Variants in CLUL1 observed in about 807,000 individuals in gnomAD.
CLUL1 encodes clusterin like 1.
CLUL1 carries 43 observed loss-of-function variants against 49.4 expected under a neutral mutation model. The observed-to-expected ratio is 0.87, with a 90% confidence interval of 0.68 to 1.12. CLUL1 has a LOEUF of 1.12. Ranked by LOEUF, CLUL1 falls within the 50% of genes most tolerant of loss-of-function variation. CLUL1 has a pLI of 0.00. For missense variants in CLUL1, 486 were observed against 544.4 expected (o/e 0.89, Z 1.07); for synonymous variants, 192 against 184.9 (o/e 1.04, Z -0.31).
intron 2 of CLUL1, among the ~76,000 whole-genome samples, chr18:615,599 G>A (rs942603884): frequency 2.6e-5 from 4 of 152,150 alleles, no homozygotes; most frequent in African/African-American, 9.7e-5. Context: ...ACTCTGCTCT[G>A]CTCTTCCTGA....
At chr18:637,010 G>T (rs1359532989) in intron 7 of CLUL1, among the ~76,000 whole-genome samples, 3 of 145,220 alleles carry the variant, frequency 2.1e-5, no homozygotes, top group Admixed American at 1.4e-4. Flanking sequence ...TTTTTGAGAC[G>T]GAGTCTTGCT....
chr18:627,611 T>C, intron 6 of CLUL1, 82 bp downstream of exon 6: 1 of 943,708 alleles, frequency 1.1e-6, no homozygotes. Context: ...TAGACATTTC[T>C]GAGTCACATT....
intron 6 of CLUL1, among the ~76,000 whole-genome samples, chr18:628,543 G>C (rs111568670): frequency 1.3e-3 from 198 of 152,104 alleles, no homozygotes; most frequent in African/African-American, 4.6e-3. Flanking sequence ...CATTTCCTTT[G>C]TCACTGTATT....
intron 2 of CLUL1, among the ~76,000 whole-genome samples, chr18:614,347 GGAAA>G (rs1355987727): frequency 3.5e-4 from 53 of 149,896 alleles, no homozygotes; most frequent in African/African-American, 1.2e-3. Context: ...AAGGAAGGAA[GGAAA>G]GAAGGAAGGA....
chr18:645,176 C>A (rs565034), intron 9 of CLUL1, 79 bp downstream of exon 9: 1,138,901 of 1,139,124 alleles, frequency 1, 569,339 homozygotes, highest in Middle Eastern at 1. Context: ...AACTTGTTTC[C>A]AAATACCTGG....
intron 1 of CLUL1, among the ~76,000 whole-genome samples, chr18:600,823 A>G (rs186537583): frequency 4.6e-5 from 7 of 152,364 alleles, no homozygotes; most frequent in South Asian, 2.1e-4. Context: ...TGGCTTAATC[A>G]TCTTTGAATA....
At position 633,290 on chromosome 18, in the gene CLUL1, C is replaced by T. The variant is rs937873528; in HGVS notation, c.857-8C>T. ...GACACTAACGTGTAAATGTTATGTT[C>T]CCTGTAGCTCCTGACCACGGAGGCC... On this transcript the variant is annotated splice_polypyrimidine_tract_variant and splice_region_variant and intron_variant, in intron 6 of 9. Coordinates refer to ENST00000692774, the MANE Select transcript of CLUL1 (RefSeq NM_001393344.1). The T allele has an allele frequency of 6.2e-7, 1 of 1,606,680 alleles. No homozygotes were observed. Among genetic ancestry groups the T allele is most frequent in the Non-Finnish European group, 8.5e-7 (1 of 1,176,606 alleles).
chr18:599,132 A>G (rs1342032234), intron 1 of CLUL1, among the ~76,000 whole-genome samples: 2 of 152,242 alleles, frequency 1.3e-5, no homozygotes, highest in Non-Finnish European at 2.9e-5. Context: ...TTAATTCTCA[A>G]AATAAAATGA....
At chr18:639,136 G>T (rs937790941) in intron 7 of CLUL1, among the ~76,000 whole-genome samples, 1 of 146,878 alleles carries the variant, frequency 6.8e-6, no homozygotes, top group Non-Finnish European at 1.5e-5. Flanking sequence ...TTAAAAACAT[G>T]CTTCATACAG....
At chr18:640,693 C>G in intron 7 of CLUL1, among the ~76,000 whole-genome samples, 1 of 152,100 alleles carries the variant, frequency 6.6e-6, no homozygotes, top group South Asian at 2.1e-4. Flanking sequence ...CAAGGTTTTG[C>G]TATTATAAAC....
chr18:620,989 T>G (rs2144019370), intron 4 of CLUL1, among the ~76,000 whole-genome samples: 1 of 152,318 alleles, frequency 6.6e-6, no homozygotes, highest in East Asian at 1.9e-4. Context: ...TTAAATTTAT[T>G]TTTATTTTTT....
intron 2 of CLUL1, among the ~76,000 whole-genome samples, chr18:608,916 T>C (rs2073056458): frequency 6.6e-6 from 1 of 152,214 alleles, no homozygotes; most frequent in Admixed American, 6.5e-5. Flanking sequence ...AATCTAAATC[T>C]ATTTTCTTTA....
chr18:609,836 A>T (rs1174152214), intron 2 of CLUL1, among the ~76,000 whole-genome samples: 1 of 152,048 alleles, frequency 6.6e-6, no homozygotes, highest in African/African-American at 2.4e-5. Context: ...AAAAAAAAAA[A>T]AAAAAAAGGT....
chr18:646,497 G>GATAGAC (rs1313337879), intron 9 of CLUL1, among the ~76,000 whole-genome samples: 18 of 141,366 alleles, frequency 1.3e-4, no homozygotes, highest in African/African-American at 4.3e-4. Context: ...CAGATAGATA[G>GATAGAC]ACACACACAC....
At chr18:625,725 C>T (rs1038931622) in intron 5 of CLUL1, among the ~76,000 whole-genome samples, 9 of 152,158 alleles carry the variant, frequency 5.9e-5, no homozygotes, top group Non-Finnish European at 1.2e-4. Flanking sequence ...TTTTCTCCCC[C>T]TTCAAGAAGT....
At chr18:644,089 GA>G (rs1351410498) in intron 8 of CLUL1, among the ~76,000 whole-genome samples, 3 of 152,214 alleles carry the variant, frequency 2.0e-5, no homozygotes, top group Admixed American at 2.0e-4. Flanking sequence ...TCCAGCAAGT[GA>G]AAACGGTTGT....
At chr18:624,355 G>A (rs749071067) in intron 4 of CLUL1, among the ~76,000 whole-genome samples, 9 of 151,884 alleles carry the variant, frequency 5.9e-5, no homozygotes, top group East Asian at 5.8e-4. Flanking sequence ...GTAACTCAAC[G>A]GGAACATTTA....
chr18:608,447 A>C lies in CLUL1; in HGVS notation c.-14+1348A>C, dbSNP rs549739207. On this transcript the variant is annotated intron_variant, in intron 2 of 9. Transcript: ENST00000692774. ...TTAATGCAGACACATAGTTTTAAAAATTATTCACTTCATCTACTGTAAGAA... is the reference window on the plus strand; with the variant it reads ...TTAATGCAGACACATAGTTTTAAAACTTATTCACTTCATCTACTGTAAGAA... 5.6e-5 allele frequency among the ~76,000 whole-genome samples: 8 copies of C among 142,694 alleles called. No individual in the cohort carries two copies. In the South Asian group the frequency reaches 1.7e-3, roughly 30 times the overall value. The allele number at this position is 142,694 out of a possible 152,430, so 93.6% of individuals were successfully genotyped here.
intron 4 of CLUL1, among the ~76,000 whole-genome samples, chr18:621,423 A>G (rs1305510503): frequency 6.6e-6 from 1 of 152,214 alleles, no homozygotes; most frequent in Non-Finnish European, 1.5e-5. Context: ...GCCCTGAGTC[A>G]GTCAGGGTTC....
Sources: allele counts gnomAD v4.1 joint callset (sites outside exome capture counted in the v4.1 genomes callset), GRCh38; gene constraint gnomAD v4.1.1; transcripts MANE v1.5; gene names NCBI Gene and HGNC (gene_info 2026-07-23, HGNC 2026-07-21).